WASHC2C: variants seen among roughly 807,000 people sequenced by gnomAD.
WASHC2C encodes WASH complex subunit 2C, also known as Vaccinia Penetration Factor.
In WASHC2C, 73 loss-of-function variants were observed where a neutral mutation model predicts 142.2. That is an observed-to-expected ratio of 0.51 (90% CI 0.43 to 0.62). The LOEUF is 0.62. Among genes scored for constraint, WASHC2C ranks in the 20% least tolerant of loss-of-function variants. The pLI, the probability that WASHC2C is intolerant of heterozygous loss-of-function variation, is 0.00. For synonymous variants in WASHC2C, 337 were observed against 565.5 expected, an observed-to-expected ratio of 0.60 and a Z score of 5.73; for missense variants, 969 against 1,531.7, an observed-to-expected ratio of 0.63 and a Z score of 6.13.
rs1263291594 is a variant in WASHC2C, at chr10:45,767,267, CA to C, written c.1869+1465del. Among the ~76,000 whole-genome samples, 7 of 147,886 alleles carry C rather than the reference CA, an allele frequency of 4.7e-5. No individual in the cohort carries two copies. In the South Asian group the frequency reaches 6.5e-4, roughly 14 times the overall value. On this transcript the variant is annotated intron_variant, in intron 19 of 30. Transcript: ENST00000623400. ...CTGGGCAACGAGCGAAACTCCGTCT[CA>C]AAAAAAAGCTTATGCAACACACATG...
At chr10:45,784,287 T>TATATAC (rs1554889013) in intron 23 of WASHC2C, among the ~76,000 whole-genome samples, 6 of 8,526 alleles carry the variant, frequency 7.0e-4, no homozygotes, top group East Asian at 0.013. Flanking sequence ...TATATATATA[T>TATATAC]ATACACATAT....
chr10:45,738,732 TCTCA>T (rs2051598612), intron 4 of WASHC2C, among the ~76,000 whole-genome samples: 1 of 152,092 alleles, frequency 6.6e-6, no homozygotes, highest in Admixed American at 6.5e-5. Context: ...TGAGATGGAG[TCTCA>T]CTCTGTTGCC....
intron 23 of WASHC2C, among the ~76,000 whole-genome samples, chr10:45,784,252 G>GTGTGTA (rs1554888863): frequency 9.8e-5 from 4 of 40,716 alleles, no homozygotes; most frequent in African/African-American, 1.5e-4. Flanking sequence ...GTGTGTGTGT[G>GTGTGTA]TATATATATA....
At chr10:45,736,405 CAAAAAAAAAAAAAAAAAAA>C (rs71520974) in intron 3 of WASHC2C, among the ~76,000 whole-genome samples, 20 of 24,568 alleles carry the variant, frequency 8.1e-4, no homozygotes, top group African/African-American at 2.7e-3. Context: ...GACTCCATCT[CAAAAAAAAAAAAAAAAAAA>C]AAAAAAAAAA....
At position 45,788,872 on chromosome 10, in the gene WASHC2C, G is replaced by A. The variant is rs1438833378; in HGVS notation, c.3089G>A (p.Ser1030Asn). 6.2e-7 allele frequency: 1 copy of A among 1,611,932 alleles called. No individual in the cohort carries two copies. The highest frequency in any genetic ancestry group is 1.3e-5 in the African/African-American group (1 of 74,870). The stretch of plus-strand genomic sequence containing the variant: ...ATGTATGTTTTTTTGCCGTTGCAGA[G>A]CCGTGTCAAGATGAGAGGGAAGCGT... ...QADTLHSANKSRVKMRGKRRP... is the reference protein window; with the variant it reads ...QADTLHSANKNRVKMRGKRRP... The change falls in exon 29 of 31, where the codon AGC (serine) becomes AAC (asparagine). Residue 1030 changes from serine to asparagine, a missense_variant and splice_region_variant. Coordinates refer to ENST00000623400, the MANE Select transcript of WASHC2C (RefSeq NM_001330074.2).
intron 3 of WASHC2C, among the ~76,000 whole-genome samples, chr10:45,734,873 C>G (rs1345586465): frequency 5.9e-5 from 9 of 151,494 alleles, no homozygotes; most frequent in Non-Finnish European, 1.2e-4. Flanking sequence ...CACAGGTGTT[C>G]GCCACCATGC....
chr10:45,735,947 A>G, intron 3 of WASHC2C, among the ~76,000 whole-genome samples: 1 of 152,188 alleles, frequency 6.6e-6, no homozygotes, highest in Non-Finnish European at 1.5e-5. Flanking sequence ...TTCTCTAGGT[A>G]TATAAATAAA....
At position 45,773,308 on chromosome 10, in the gene WASHC2C, G is replaced by A. The variant is rs1336135594; in HGVS notation, c.2092G>A (p.Gly698Arg). The change falls in exon 21 of 31, where the codon GGA (glycine) becomes AGA (arginine). Residue 698 changes from glycine (G) to arginine (R), a missense_variant. Coordinates refer to ENST00000623400, the MANE Select transcript of WASHC2C (RefSeq NM_001330074.2). ...SLLFEDDVDSGGSLFGSPPTS... is the reference protein window; with the variant it reads ...SLLFEDDVDSRGSLFGSPPTS... ...CCTCTTTGAAGACGATGTTGATAGC[G>A]GAGGCTCTCTGTTTGGCTCTCCTCC... The A allele has an allele frequency of 1.5e-5, 14 of 953,272 alleles. No homozygotes were observed. Among genetic ancestry groups the A allele is most frequent in the South Asian group, 3.3e-5 (2 of 61,502 alleles). 59.1% of individuals were successfully genotyped at this position (953,272 alleles called of 1,614,324 possible).
At chr10:45,785,269 C>T (rs1316873266) in intron 25 of WASHC2C, among the ~76,000 whole-genome samples, 11 of 152,118 alleles carry the variant, frequency 7.2e-5, no homozygotes, top group African/African-American at 2.7e-4. Flanking sequence ...ATGTCATTTT[C>T]TCCCCCAGCC....
intron 12 of WASHC2C, 85 bp downstream of exon 12, chr10:45,752,791 G>T: frequency 1.1e-6 from 1 of 921,104 alleles, no homozygotes; most frequent in Non-Finnish European, 1.6e-6. Flanking sequence ...CTTGTTTAGT[G>T]GGGGAAAAAC....
Position 45,789,116 on chromosome 10 carries a change from G to A in WASHC2C, c.3333G>A (p.Val1111=), listed in dbSNP as rs2058249808. 1 of 1,611,946 alleles carries A rather than the reference G, an allele frequency of 6.2e-7. No individual in the cohort carries two copies. The highest frequency in any genetic ancestry group is 1.7e-5 in the Admixed American group (1 of 60,006). The stretch of plus-strand genomic sequence containing the variant: ...GGGAAGGTGGTCCTGTGCCTGGAGT[G>A]GACACAAGCCCCTTTGCAAAGTCTC... ...APWEGGPVPG[V]DTSPFAKSLG... Residue 1111 remains valine (V), a synonymous_variant, in exon 29 of 31, where the codon GTG becomes GTA. Transcript: ENST00000623400.
chr10:45,736,568 C>T (rs563272431), intron 3 of WASHC2C, among the ~76,000 whole-genome samples: 224 of 151,944 alleles, frequency 1.5e-3, no homozygotes, highest in African/African-American at 5.2e-3. Flanking sequence ...CCACTGCACT[C>T]CAGCCTGGGT....
chr10:45,768,273 G>A (rs1206719241), intron 19 of WASHC2C, among the ~76,000 whole-genome samples: 34 of 149,862 alleles, frequency 2.3e-4, no homozygotes, highest in African/African-American at 6.8e-4. Flanking sequence ...AAGACCTAAC[G>A]AGTGCTGACA....
intron 23 of WASHC2C, among the ~76,000 whole-genome samples, chr10:45,779,846 G>A (rs1357190165): frequency 2.0e-5 from 3 of 152,274 alleles, no homozygotes; most frequent in South Asian, 2.1e-4. Flanking sequence ...ATAGCTTGGC[G>A]TGATGACGCT....
At chr10:45,763,937 G>A (rs1462599936) in intron 18 of WASHC2C, among the ~76,000 whole-genome samples, 1 of 152,120 alleles carries the variant, frequency 6.6e-6, no homozygotes, top group Non-Finnish European at 1.5e-5. Context: ...CCTGATCTCA[G>A]GTGATCCGCC....
intron 17 of WASHC2C, among the ~76,000 whole-genome samples, chr10:45,759,950 G>A (rs1294982533): frequency 1.3e-5 from 2 of 149,632 alleles, no homozygotes; most frequent in Non-Finnish European, 3.0e-5. Context: ...CTCTCTTTAG[G>A]ATGCTCAGAT....
chr10:45,788,555 G>C (rs2058213066), intron 28 of WASHC2C, among the ~76,000 whole-genome samples: 1 of 151,866 alleles, frequency 6.6e-6, no homozygotes, highest in African/African-American at 2.4e-5. Flanking sequence ...GACACAGAGA[G>C]CCAACATGCC....
intron 17 of WASHC2C, among the ~76,000 whole-genome samples, chr10:45,760,040 A>G (rs1554879503): frequency 6.7e-6 from 1 of 149,062 alleles, no homozygotes; most frequent in Non-Finnish European, 1.5e-5. Context: ...CTTTATTCAC[A>G]TTCTCACTAA....
chr10:45,770,301 TAGG>T (rs1280079950), intron 20 of WASHC2C, among the ~76,000 whole-genome samples: 3 of 144,920 alleles, frequency 2.1e-5, no homozygotes, highest in Admixed American at 1.4e-4. Context: ...CACATCCTGT[TAGG>T]AGGAAGTTCC....
Sources: allele counts gnomAD v4.1 joint callset (sites outside exome capture counted in the v4.1 genomes callset), GRCh38; gene constraint gnomAD v4.1.1; transcripts MANE v1.5; gene names NCBI Gene and HGNC (gene_info 2026-07-23, HGNC 2026-07-21).